Variants in RIMS2 observed in about 807,000 individuals in gnomAD.
RIMS2 encodes the protein regulating synaptic membrane exocytosis protein 2.
RIMS2 carries 59 observed loss-of-function variants against 174.4 expected under a neutral mutation model. That is an observed-to-expected ratio of 0.34 (90% CI 0.27 to 0.42). The LOEUF (loss-of-function observed/expected upper bound fraction) is 0.42, where lower values mean the gene tolerates loss of function less well. Among genes scored for constraint, RIMS2 ranks in the 10% least tolerant of loss-of-function variants. The pLI, the probability that RIMS2 is intolerant of heterozygous loss-of-function variation, is 1.00. For missense variants in RIMS2, 1,620 were observed against 1,666.3 expected, an observed-to-expected ratio of 0.97 and a Z score of 0.48; for synonymous variants, 606 against 572.5, an observed-to-expected ratio of 1.06 and a Z score of -0.84.
At chr8:104,154,443 TC>T (rs1414985030) in intron 19 of RIMS2, among the ~76,000 whole-genome samples, 1 of 152,204 alleles carries the variant, frequency 6.6e-6, no homozygotes, top group African/African-American at 2.4e-5. Context: ...GATTTTTAAT[TC>T]CTTTACATTT....
intron 19 of RIMS2, among the ~76,000 whole-genome samples, chr8:104,057,315 G>A (rs975652894): frequency 3.3e-5 from 5 of 151,664 alleles, no homozygotes; most frequent in African/African-American, 1.2e-4. Flanking sequence ...CAGTCCTCCC[G>A]CCTCAGCCTC....
chr8:103,925,531 A>G (rs2078606639), intron 10 of RIMS2, among the ~76,000 whole-genome samples: 1 of 151,584 alleles, frequency 6.6e-6, no homozygotes, highest in South Asian at 2.1e-4. Flanking sequence ...AGTGCAATTA[A>G]TAGTGGAAAG....
intron 3 of RIMS2, among the ~76,000 whole-genome samples, chr8:103,791,329 T>A (rs2098497158): frequency 6.6e-6 from 1 of 152,198 alleles, no homozygotes. Flanking sequence ...CTAAGCTTTT[T>A]AAGTGAATCA....
intron 10 of RIMS2, among the ~76,000 whole-genome samples, chr8:103,927,652 G>GT (rs1565358809): frequency 6.6e-6 from 1 of 151,380 alleles, no homozygotes; most frequent in Admixed American, 6.6e-5. Flanking sequence ...AGTTTTTAAT[G>GT]TTTTTTGGCA....
At chr8:103,954,373 G>A (rs2086438916) in intron 14 of RIMS2, among the ~76,000 whole-genome samples, 1 of 152,166 alleles carries the variant, frequency 6.6e-6, no homozygotes, top group African/African-American at 2.4e-5. Flanking sequence ...CTCAGCAAAT[G>A]CAAGAGAACG....
chr8:103,940,091 G>A (rs1357463709), intron 13 of RIMS2, among the ~76,000 whole-genome samples: 1 of 152,054 alleles, frequency 6.6e-6, no homozygotes, highest in Non-Finnish European at 1.5e-5. Context: ...CACATTTTCA[G>A]GTATTTTTTT....
intron 3 of RIMS2, among the ~76,000 whole-genome samples, chr8:103,796,370 G>C (rs948704661): frequency 6.6e-6 from 1 of 152,116 alleles, no homozygotes; most frequent in Admixed American, 6.6e-5. Context: ...CCATAAAAAT[G>C]TTATAAAGTG....
At chr8:104,145,367 T>C (rs1217097202) in intron 19 of RIMS2, among the ~76,000 whole-genome samples, 1 of 152,160 alleles carries the variant, frequency 6.6e-6, no homozygotes, top group African/African-American at 2.4e-5. Context: ...AAAATTTCTC[T>C]TTTAAAAAAA....
chr8:103,795,247 T>G (rs1181918240), intron 3 of RIMS2, among the ~76,000 whole-genome samples: 3 of 152,204 alleles, frequency 2.0e-5, no homozygotes, highest in Admixed American at 1.3e-4. Flanking sequence ...TGTAATACTA[T>G]GCAGCCATAA....
intron 19 of RIMS2, among the ~76,000 whole-genome samples, chr8:104,025,357 G>A (rs1340745920): frequency 1.3e-5 from 2 of 151,998 alleles, no homozygotes; most frequent in Admixed American, 1.3e-4. Context: ...GCATAGTGTT[G>A]CACACCTCTA....
chr8:103,807,866 C>T (rs994483493), intron 3 of RIMS2, among the ~76,000 whole-genome samples: 1 of 151,900 alleles, frequency 6.6e-6, no homozygotes, highest in Non-Finnish European at 1.5e-5. Flanking sequence ...GATCTCTGTC[C>T]ATATTTACAG....
At chr8:103,792,660 A>G (rs1475049128) in intron 3 of RIMS2, among the ~76,000 whole-genome samples, 1 of 148,304 alleles carries the variant, frequency 6.7e-6, no homozygotes, top group Non-Finnish European at 1.5e-5. Context: ...TTTTTTAAAG[A>G]TCAACAAAAT....
At chr8:103,755,474 C>T (rs745624082) in intron 2 of RIMS2, among the ~76,000 whole-genome samples, 14 of 152,140 alleles carry the variant, frequency 9.2e-5, no homozygotes, top group Non-Finnish European at 1.5e-4. Flanking sequence ...GAATATTGGC[C>T]TGCCTTGCTA....
At chr8:104,051,380 A>G (rs2096782970) in intron 19 of RIMS2, among the ~76,000 whole-genome samples, 2 of 152,190 alleles carry the variant, frequency 1.3e-5, no homozygotes, top group South Asian at 2.1e-4. Flanking sequence ...ATTATGTTGC[A>G]TAACTTATGG....
intron 1 of RIMS2, among the ~76,000 whole-genome samples, chr8:103,600,647 C>T (rs549335889): frequency 6.6e-6 from 1 of 152,314 alleles, no homozygotes; most frequent in South Asian, 2.1e-4. Context: ...AACAGTGCTA[C>T]AACAAACATA....
At chr8:104,172,253 G>A (rs1243529828) in intron 19 of RIMS2, among the ~76,000 whole-genome samples, 1 of 152,028 alleles carries the variant, frequency 6.6e-6, no homozygotes, top group African/African-American at 2.4e-5. Flanking sequence ...TCTCAGTTAG[G>A]GCATCATCTA....
chr8:104,222,224 T>C (rs2099158660), intron 19 of RIMS2, among the ~76,000 whole-genome samples: 1 of 152,134 alleles, frequency 6.6e-6, no homozygotes, highest in African/African-American at 2.4e-5. Flanking sequence ...AAATGTAAGC[T>C]TCATGAGAGC....
At chr8:103,565,080 G>A (rs1349524887) in intron 1 of RIMS2, among the ~76,000 whole-genome samples, 1 of 152,104 alleles carries the variant, frequency 6.6e-6, no homozygotes, top group Non-Finnish European at 1.5e-5. Flanking sequence ...AGACATATGG[G>A]CTAAAGACAT....
intron 3 of RIMS2, among the ~76,000 whole-genome samples, chr8:103,778,530 T>G (rs2098344139): frequency 1.3e-5 from 2 of 152,158 alleles, no homozygotes; most frequent in Admixed American, 6.6e-5. Flanking sequence ...TGTGCTTGGC[T>G]TATTTCACTT....
Sources: allele counts gnomAD v4.1 joint callset (sites outside exome capture counted in the v4.1 genomes callset), GRCh38; gene constraint gnomAD v4.1.1; transcripts MANE v1.5; gene names NCBI Gene and HGNC (gene_info 2026-07-23, HGNC 2026-07-21).